Variants in ADGRV1 observed in about 807,000 individuals in gnomAD.
The protein encoded by ADGRV1 is adhesion G protein-coupled receptor V1.
A neutral mutation model predicts 596.2 loss-of-function variants in ADGRV1; 359 were observed. The ratio of observed to expected loss-of-function variants is 0.60; its 90% confidence interval spans 0.55 to 0.66. ADGRV1 has a LOEUF of 0.66. Ranked by LOEUF, ADGRV1 falls within the 30% of genes least tolerant of loss-of-function variation. The pLI, the probability that ADGRV1 is intolerant of heterozygous loss-of-function variation, is 0.00. For missense variants in ADGRV1, 7,274 were observed against 7,575.6 expected, an observed-to-expected ratio of 0.96 and a Z score of 1.48; for synonymous variants, 2,681 against 2,679.2, an observed-to-expected ratio of 1.00 and a Z score of -0.02.
intron 76 of ADGRV1, 42 bp downstream of exon 76, chr5:90,823,638 A>G (rs779631299): frequency 6.6e-7 from 1 of 1,521,640 alleles, no homozygotes; most frequent in Non-Finnish European, 9.1e-7. Flanking sequence ...TTCTAATTAT[A>G]TTTCTTTAGA....
At chr5:90,825,715 GAGC>G (rs1308913719) in intron 76 of ADGRV1, 2 of 152,178 alleles carry the variant, frequency 1.3e-5, no homozygotes, top group East Asian at 3.8e-4. Context: ...TACTTCCTCT[GAGC>G]TTGCCCTCCT....
chr5:90,965,147 GA>G (rs1451158326), intron 83 of ADGRV1, among the ~76,000 whole-genome samples: 1 of 152,048 alleles, frequency 6.6e-6, no homozygotes, highest in Non-Finnish European at 1.5e-5. Context: ...TCAATGATAA[GA>G]ACAAGGTTTA....
chr5:90,856,099 C>T (rs900930465), intron 82 of ADGRV1, among the ~76,000 whole-genome samples, 198 bp downstream of exon 82: 2 of 151,972 alleles, frequency 1.3e-5, no homozygotes, highest in Non-Finnish European at 2.9e-5. Context: ...ACTGAGGATA[C>T]AGTAAAGAAT....
chr5:91,157,682 A>G (rs1796585184), intron 89 of ADGRV1, among the ~76,000 whole-genome samples: 1 of 152,226 alleles, frequency 6.6e-6, no homozygotes, highest in Admixed American at 6.5e-5. Flanking sequence ...TTACCATTAC[A>G]ATTATTCCTA....
intron 63 of ADGRV1, 119 bp from the exon 64 acceptor site, chr5:90,778,746 A>G: frequency 9.5e-7 from 1 of 1,056,748 alleles, no homozygotes; most frequent in Non-Finnish European, 1.3e-6. Context: ...TAATCTATAT[A>G]ATTTTATAAC....
At chr5:90,951,958 A>G (rs1248499489) in intron 83 of ADGRV1, among the ~76,000 whole-genome samples, 1 of 152,238 alleles carries the variant, frequency 6.6e-6, no homozygotes, top group Admixed American at 6.5e-5. Context: ...ACTGTCATGC[A>G]AATCAGTGGG....
intron 83 of ADGRV1, among the ~76,000 whole-genome samples, chr5:90,926,895 A>G (rs2150773066): frequency 6.6e-6 from 1 of 152,212 alleles, no homozygotes; most frequent in African/African-American, 2.4e-5. Flanking sequence ...TTATGTACCC[A>G]GTAGTCATTC....
chr5:90,662,207 T>G (rs1454048087), intron 21 of ADGRV1, among the ~76,000 whole-genome samples: 4 of 149,658 alleles, frequency 2.7e-5, no homozygotes, highest in Admixed American at 6.7e-5. Context: ...TTTTTTTTTT[T>G]GAGACGGAGT....
intron 59 of ADGRV1, among the ~76,000 whole-genome samples, chr5:90,773,944 T>C (rs920497375): frequency 6.6e-6 from 1 of 152,200 alleles, no homozygotes; most frequent in African/African-American, 2.4e-5. Flanking sequence ...ACGGTTAACA[T>C]TTTTCAGTAA....
intron 83 of ADGRV1, among the ~76,000 whole-genome samples, chr5:90,882,476 G>A (rs1372765739): frequency 6.6e-6 from 1 of 152,138 alleles, no homozygotes; most frequent in Admixed American, 6.6e-5. Context: ...TCATTTCAAA[G>A]CCTATTTTTT....
intron 83 of ADGRV1, among the ~76,000 whole-genome samples, chr5:90,932,612 A>C (rs552275338): frequency 1.8e-4 from 28 of 152,316 alleles, no homozygotes; most frequent in African/African-American, 5.8e-4. Context: ...TAAAATAGTA[A>C]TATTCTCCCT....
intron 86 of ADGRV1, among the ~76,000 whole-genome samples, chr5:91,084,141 C>T (rs1789656477): frequency 6.6e-6 from 1 of 151,992 alleles, no homozygotes; most frequent in South Asian, 2.1e-4. Flanking sequence ...GTTCTTCATC[C>T]TCATTGTAAC....
At chr5:90,909,603 CTT>C (rs1400252947) in intron 83 of ADGRV1, among the ~76,000 whole-genome samples, 1 of 151,960 alleles carries the variant, frequency 6.6e-6, no homozygotes, top group Non-Finnish European at 1.5e-5. Flanking sequence ...ATACTAAAAA[CTT>C]TGTGAGAATA....
chr5:90,860,357 A>G (rs1454665843), intron 82 of ADGRV1, among the ~76,000 whole-genome samples: 1 of 151,834 alleles, frequency 6.6e-6, no homozygotes, highest in Non-Finnish European at 1.5e-5. Context: ...CTGGAGTGCA[A>G]TGGCACGATC....
At chr5:90,743,516 G>A (rs1471504475) in intron 50 of ADGRV1, among the ~76,000 whole-genome samples, 1 of 143,324 alleles carries the variant, frequency 7.0e-6, no homozygotes, top group Non-Finnish European at 1.5e-5. Context: ...GTGTCGCCCA[G>A]GCTAGAGAGC....
At chr5:90,942,774 A>C (rs1427530204) in intron 83 of ADGRV1, among the ~76,000 whole-genome samples, 3 of 152,210 alleles carry the variant, frequency 2.0e-5, no homozygotes. Context: ...TTTTTAAAAC[A>C]CTAGGCAAAT....
intron 21 of ADGRV1, among the ~76,000 whole-genome samples, chr5:90,665,042 A>G (rs1426955177): frequency 4.0e-5 from 6 of 151,250 alleles, no homozygotes; most frequent in Non-Finnish European, 7.4e-5. Flanking sequence ...TTTTTGCATC[A>G]GTGTTCATCA....
chr5:90,620,582 G>A (rs1399082218), intron 4 of ADGRV1, among the ~76,000 whole-genome samples: 3 of 152,036 alleles, frequency 2.0e-5, no homozygotes, highest in Non-Finnish European at 2.9e-5. Flanking sequence ...CTTTTGCTGT[G>A]CAGAAGCTCT....
intron 83 of ADGRV1, among the ~76,000 whole-genome samples, chr5:90,926,744 C>T (rs1394317364): frequency 2.8e-4 from 41 of 148,712 alleles, no homozygotes; most frequent in Non-Finnish European, 4.5e-4. Flanking sequence ...AATTTTGGAT[C>T]TTTCCTGCTT....
Sources: gnomAD v4.1 joint callset for allele counts (sites outside exome capture counted in the v4.1 genomes callset) on GRCh38, gnomAD v4.1.1 for gene constraint, MANE v1.5 for transcripts, NCBI Gene and HGNC (gene_info 2026-07-23, HGNC 2026-07-21) for gene names.